Variants in SYDE2 observed in about 807,000 individuals in gnomAD.
SYDE2 encodes the protein synapse defective Rho GTPase homolog 2, also known as rho GTPase-activating protein SYDE2.
SYDE2 carries 76 observed loss-of-function variants against 91.5 expected under a neutral mutation model. The observed-to-expected ratio is 0.83, with a 90% CI of 0.69 to 1.01. The LOEUF (loss-of-function observed/expected upper bound fraction) is 1.01, where lower values mean the gene tolerates loss of function less well. Ranked by LOEUF, SYDE2 falls within the 50% of genes least tolerant of loss-of-function variation. The pLI is 0.00. For missense variants in SYDE2, 1,364 were observed against 1,367.7 expected, an observed-to-expected ratio of 1.00 and a Z score of 0.04; for synonymous variants, 513 against 506.4, an observed-to-expected ratio of 1.01 and a Z score of -0.18.
chr1:85,162,423 G>T (rs1013084305), intron 6 of SYDE2, among the ~76,000 whole-genome samples: 1 of 152,092 alleles, frequency 6.6e-6, no homozygotes, highest in Admixed American at 6.5e-5. Flanking sequence ...CTTGATTTCT[G>T]CCTTTTCTTG....
At chr1:85,153,904 TAA>T (rs1656823462), downstream of SYDE2, 1 of 152,114 alleles carries the variant, frequency 6.6e-6, no homozygotes, top group Admixed American at 6.5e-5. Flanking sequence ...GACCAAAATA[TAA>T]AAGACTTTCA....
At chr1:85,163,577 C>T (rs1039650360) in intron 6 of SYDE2, among the ~76,000 whole-genome samples, 1 of 150,082 alleles carries the variant, frequency 6.7e-6, no homozygotes, top group African/African-American at 2.4e-5. Flanking sequence ...TTACAACAAC[C>T]CTGAGGCAGG....
intron 4 of SYDE2, among the ~76,000 whole-genome samples, chr1:85,175,571 G>A (rs1217542806): frequency 6.6e-6 from 1 of 152,204 alleles, no homozygotes; most frequent in Non-Finnish European, 1.5e-5. Context: ...TTCGTCTGGA[G>A]TATTTCATTC....
chr1:85,187,130 G>A (rs375267488), intron 2 of SYDE2, among the ~76,000 whole-genome samples: 7 of 151,924 alleles, frequency 4.6e-5, no homozygotes, highest in Non-Finnish European at 8.8e-5. Flanking sequence ...ACAAAGGGCT[G>A]ATATCCAGAA....
intron 5 of SYDE2, among the ~76,000 whole-genome samples, chr1:85,168,634 C>G (rs72722606): frequency 0.03 from 4,581 of 152,250 alleles, 113 homozygotes; most frequent in South Asian, 0.12. Flanking sequence ...TGTACACCAA[C>G]ACAGTTGTTG....
downstream of SYDE2, among the ~76,000 whole-genome samples, chr1:85,156,601 T>G (rs947434175): frequency 6.6e-6 from 1 of 152,064 alleles, no homozygotes; most frequent in African/African-American, 2.4e-5. Flanking sequence ...TAGCTATAAC[T>G]CGGTGATGAG....
chr1:85,169,164 C>A lies in SYDE2; in HGVS notation c.2733G>T (p.Glu911Asp), dbSNP rs72952624. 6.5e-3 allele frequency: 10,554 copies of A among 1,613,786 alleles called. 604 individuals are homozygous for A. In the African/African-American group the frequency reaches 0.12, roughly 19 times the overall value. Reference sequence around the variant, plus strand: ...TTTTTGCCATTGCATCTAATACAGCCTCATAAAGCTGCTTTGTTATCAGAG... The same window carrying A: ...TTTTTGCCATTGCATCTAATACAGCATCATAAAGCTGCTTTGTTATCAGAG... ...PSPLITKQLY[E>D]AVLDAMAKSP... Residue 911 changes from glutamate to aspartate, a missense_variant, in exon 5 of 7, where the codon GAG becomes GAT. Physicochemically the swap from Glu to Asp is conservative, Grantham distance 45. Coordinates refer to ENST00000341460, the MANE Select transcript of SYDE2 (RefSeq NM_032184.2).
intron 3 of SYDE2, among the ~76,000 whole-genome samples, chr1:85,180,646 C>T (rs533167661): frequency 3.1e-4 from 47 of 150,550 alleles, no homozygotes; most frequent in African/African-American, 1.0e-3. Flanking sequence ...GCTGAGACTG[C>T]GCCATTGCAC....
intron 4 of SYDE2, among the ~76,000 whole-genome samples, chr1:85,173,209 C>CAG (rs1202051792): frequency 3.3e-5 from 5 of 151,956 alleles, no homozygotes; most frequent in Admixed American, 6.6e-5. Context: ...ATGGGGGACA[C>CAG]AGAGAGAGAG....
At position 85,190,380 on chromosome 1, in the gene SYDE2, T is replaced by C. The variant is rs778451282; in HGVS notation, c.1118A>G (p.Asn373Ser). 66 of 1,613,766 alleles carry C rather than the reference T, an allele frequency of 4.1e-5. No homozygotes were observed. Among genetic ancestry groups the C allele is most frequent in the Non-Finnish European group, 5.3e-5 (62 of 1,179,846 alleles). ...DADDEGEIWY[N>S]PIPEDDDLGI... ...AAGGTCATCATCCTCAGGAATGGGA[T>C]TGTACCATATTTCTCCTTCATCATC... The change falls in exon 2 of 7, where the codon AAT becomes AGT. Residue 373 changes from asparagine to serine, a missense_variant. Asn to Ser is a conservative substitution (Grantham distance 46). Transcript: ENST00000341460.
intron 4 of SYDE2, among the ~76,000 whole-genome samples, chr1:85,176,246 A>G (rs1657693297): frequency 7.0e-6 from 1 of 142,942 alleles, no homozygotes; most frequent in Admixed American, 6.8e-5. Flanking sequence ...ATTAACAAGG[A>G]AAGAACATTC....
chr1:85,167,632 G>C (rs1273402069), intron 5 of SYDE2, among the ~76,000 whole-genome samples: 1 of 152,116 alleles, frequency 6.6e-6, no homozygotes, highest in Non-Finnish European at 1.5e-5. Flanking sequence ...TGTAATTTTT[G>C]TAGAGACGGT....
rs1385231138 is a variant in SYDE2 at position 85,200,773 on chromosome 1, C to G, written c.224G>C (p.Arg75Pro). The change falls in exon 1 of 7, where the codon CGG becomes CCG. Residue 75 changes from arginine to proline, a missense_variant. Transcript: ENST00000341460. ...GCAGGACGGCCGCATCCGAGGAGTC[C>G]GCAGCTGGCCTCCCCGCGGCTCCCT... The part of the protein sequence containing the change: ...PQREPRGGQL[R>P]TPRMRPSCSR... 8 of 1,517,438 alleles carry G rather than the reference C, an allele frequency of 5.3e-6. No homozygotes were observed. The highest frequency in any genetic ancestry group is 1.2e-5 in the South Asian group (1 of 82,642). The allele number at this position is 1,517,438 out of a possible 1,614,324, so 94.0% of individuals were successfully genotyped here.
At position 85,182,912 on chromosome 1, in the gene SYDE2, G is replaced by A; in HGVS notation, c.1730C>T (p.Ser577Phe). ...CTTAGCAGCGGTGGTTGTGTTCCCA[G>A]AGGGCAGAATATCAGTATGATGAAC... Reference protein sequence around the residue: ...REVHHTDILPSGNTTTAAKRN... With the variant: ...REVHHTDILPFGNTTTAAKRN... Residue 577 changes from serine (S) to phenylalanine (F), a missense_variant, in exon 3 of 7, where the codon TCT (serine) becomes TTT (phenylalanine). Transcript: ENST00000341460. 2 of 1,613,818 alleles carry A rather than the reference G, an allele frequency of 1.2e-6. No individual in the cohort carries two copies. The highest frequency in any genetic ancestry group is 8.5e-7 in the Non-Finnish European group (1 of 1,179,782).
chr1:85,177,475 C>T (rs1466553359), intron 4 of SYDE2, among the ~76,000 whole-genome samples: 6 of 152,144 alleles, frequency 3.9e-5, no homozygotes, highest in African/African-American at 1.4e-4. Flanking sequence ...AGCAGTAGCT[C>T]TCCCTGAAGC....
chr1:85,164,815 AT>A, intron 5 of SYDE2, 58 bp from the exon 6 acceptor site: 1 of 1,008,848 alleles, frequency 9.9e-7, no homozygotes, highest in African/African-American at 1.7e-5. Context: ...CAAGGACACA[AT>A]TTATAGCAGG....
intron 4 of SYDE2, among the ~76,000 whole-genome samples, chr1:85,169,866 GC>G (rs1657437208): frequency 6.6e-6 from 1 of 152,060 alleles, no homozygotes; most frequent in Non-Finnish European, 1.5e-5. Flanking sequence ...AAAGTCAATT[GC>G]AAACATTCCA....
chr1:85,164,112 GTC>G (rs1657177476), intron 6 of SYDE2, among the ~76,000 whole-genome samples: 1 of 152,110 alleles, frequency 6.6e-6, no homozygotes, highest in African/African-American at 2.4e-5. Flanking sequence ...TGTTTATTGA[GTC>G]TCTATTACAT....
chr1:85,159,869 T>C, intron 6 of SYDE2: 1 of 983,894 alleles, frequency 1.0e-6, no homozygotes, highest in Non-Finnish European at 1.2e-6. Context: ...ATTTATTGCC[T>C]GGAAATAGTA....
Sources: gnomAD v4.1 joint callset for allele counts (sites outside exome capture counted in the v4.1 genomes callset) on GRCh38, gnomAD v4.1.1 for gene constraint, MANE v1.5 for transcripts, NCBI Gene and HGNC (gene_info 2026-07-23, HGNC 2026-07-21) for gene names.